The following AFG3L2 variants were observed in gnomAD, a reference collection of about 807,000 sequenced individuals.
AFG3L2 encodes AFG3 like matrix AAA peptidase subunit 2, also known as mitochondrial inner membrane m-AAA protease component AFG3L2.
AFG3L2 carries 54 observed loss-of-function variants against 94.5 expected under a neutral mutation model. The observed-to-expected ratio is 0.57, with a 90% CI of 0.46 to 0.72. The LOEUF (loss-of-function observed/expected upper bound fraction) is 0.72. Ranked by LOEUF, AFG3L2 falls within the 30% of genes least tolerant of loss-of-function variation. The pLI, the probability that AFG3L2 is intolerant of heterozygous loss-of-function variation, is 0.00. For synonymous variants in AFG3L2, 377 were observed against 365.5 expected (o/e 1.03, Z -0.36); for missense variants, 754 against 994.9 (o/e 0.76, Z 3.26).
At chr18:12,375,526 G>C (rs1909127100) in intron 1 of AFG3L2, among the ~76,000 whole-genome samples, 1 of 149,418 alleles carries the variant, frequency 6.7e-6, no homozygotes, top group Admixed American at 6.7e-5. Flanking sequence ...TTCCAGGCCA[G>C]CCTGGGCAAC....
chr18:12,362,383 T>C (rs530482900), intron 6 of AFG3L2, among the ~76,000 whole-genome samples: 6 of 152,136 alleles, frequency 3.9e-5, no homozygotes, highest in Non-Finnish European at 8.8e-5. Context: ...GATATGCACA[T>C]ACAGAAAGCA....
chr18:12,360,234 T>C lies in AFG3L2; in HGVS notation c.628-183A>G, dbSNP rs182038701. 793 of 594,030 alleles carry C rather than the reference T, an allele frequency of 1.3e-3. 2 individuals are homozygous for C. The highest frequency in any genetic ancestry group is 4.1e-3 in the Admixed American group (128 of 31,182). 36.8% of individuals were successfully genotyped at this position (594,030 alleles called of 1,614,324 possible). ...ATTAAATGTCACTCATTGAGAACAC[T>C]TGGCAATTCTTGGCAAATAAGCATT... On this transcript the variant is annotated intron_variant, in intron 6 of 16. Coordinates refer to ENST00000269143, the MANE Select transcript of AFG3L2 (RefSeq NM_006796.3).
intron 3 of AFG3L2, among the ~76,000 whole-genome samples, chr18:12,370,095 A>G (rs1174346717): frequency 6.6e-6 from 1 of 151,456 alleles, no homozygotes; most frequent in Admixed American, 6.6e-5. Context: ...AAGTCAGTCA[A>G]AATGGGCACA....
Position 12,340,242 on chromosome 18 carries a change from G to C in AFG3L2, c.1939C>G (p.Gln647Glu), listed in dbSNP as rs762095994. ...TGAGTTACTTTTCTCAAGTCATCTTGAGCACCAGTTGTAATTCTTCCAAAG... is the reference window on the plus strand; with the variant it reads ...TGAGTTACTTTTCTCAAGTCATCTTCAGCACCAGTTGTAATTCTTCCAAAG... Reference protein sequence around the residue: ...IFFGRITTGAQDDLRKVTQSA... With the variant: ...IFFGRITTGAEDDLRKVTQSA... Residue 647 changes from glutamine to glutamate, a missense_variant, in exon 15 of 17, where the codon CAA (glutamine) becomes GAA (glutamate). By Grantham distance (29) the Gln-to-Glu change is conservative. Transcript: ENST00000269143. The C allele has an allele frequency of 3.7e-6, 6 of 1,613,918 alleles. No individual in the cohort carries two copies. The highest frequency in any genetic ancestry group is 3.3e-5 in the Admixed American group (2 of 59,998).
At chr18:12,355,029 C>A (rs1315462733) in intron 9 of AFG3L2, among the ~76,000 whole-genome samples, 1 of 151,908 alleles carries the variant, frequency 6.6e-6, no homozygotes, top group Non-Finnish European at 1.5e-5. Flanking sequence ...ACCAGCCTGG[C>A]CAACATAGTG....
chr18:12,335,879 C>T (rs2143104849), intron 16 of AFG3L2, among the ~76,000 whole-genome samples: 1 of 152,302 alleles, frequency 6.6e-6, no homozygotes, highest in East Asian at 1.9e-4. Flanking sequence ...TTTTGTGCAC[C>T]GACAGCATGG....
At chr18:12,356,081 T>C (rs1350867377) in intron 9 of AFG3L2, among the ~76,000 whole-genome samples, 4 of 151,654 alleles carry the variant, frequency 2.6e-5, no homozygotes, top group African/African-American at 9.7e-5. Context: ...CAGGGATCAA[T>C]TGTTTGGTAT....
chr18:12,355,692 C>T (rs1487870052), intron 9 of AFG3L2, among the ~76,000 whole-genome samples: 3 of 148,412 alleles, frequency 2.0e-5, no homozygotes, highest in Non-Finnish European at 4.4e-5. Context: ...TTTTTTGAGA[C>T]GAGTCTCACT....
chr18:12,329,477 G>C lies in AFG3L2; in HGVS notation c.*88C>G. 7.3e-7 allele frequency: 1 copy of C among 1,363,982 alleles called. No homozygotes were observed. The highest frequency in any genetic ancestry group is 1.0e-6 in the Non-Finnish European group (1 of 954,310). The allele number at this position is 1,363,982 out of a possible 1,614,324, so 84.5% of individuals were successfully genotyped here. On this transcript the variant is annotated 3_prime_UTR_variant, in exon 17 of 17. Transcript: ENST00000269143. ...CCAGTGGCTGGCTAAAATCAGCGCA[G>C]CATTCCCATTCTTCTGAAAGCCACA...
In AFG3L2 at chr18:12,377,106, C is replaced by A; in HGVS notation, c.-24G>T. 7.2e-7 allele frequency: 1 copy of A among 1,382,960 alleles called. No individual in the cohort carries two copies. Among genetic ancestry groups the A allele is most frequent in the Non-Finnish European group, 9.4e-7 (1 of 1,064,498 alleles). The allele number at this position is 1,382,960 out of a possible 1,614,324, so 85.7% of individuals were successfully genotyped here. A position where few individuals can be genotyped will look rare whatever the true frequency, so the allele number is the denominator to read the frequency against. ...ATGGCCGCCGCCGTGGCCCTCTCGG[C>A]CCGGGACGCTGCGCAGGCGCGGGCA... is the stretch of plus-strand genomic sequence containing the variant. On this transcript the variant is annotated 5_prime_UTR_variant, in exon 1 of 17. Transcript: ENST00000269143.
At position 12,358,910 on chromosome 18, in the gene AFG3L2, G is replaced by C. The variant is rs1325788944; in HGVS notation, c.786C>G (p.Leu262=). 10 of 1,614,090 alleles carry C rather than the reference G, an allele frequency of 6.2e-6. No individual in the cohort carries two copies. Among genetic ancestry groups the C allele is most frequent in the Non-Finnish European group, 8.5e-6 (10 of 1,179,988 alleles). ...SFLLSMLPTV[L]IIAFLLYTIR... ...TGGTGTAGAGCAAGAAGGCGATGAT[G>C]AGCACCGTAGGCAGCATGCTCAGCA... Residue 262 remains leucine, a synonymous_variant, in exon 8 of 17, where the codon CTC becomes CTG. Transcript: ENST00000269143.
intron 13 of AFG3L2, among the ~76,000 whole-genome samples, chr18:12,347,800 C>T (rs1288306765): frequency 6.6e-6 from 1 of 152,122 alleles, no homozygotes; most frequent in African/African-American, 2.4e-5. Context: ...CTGCCTGCCT[C>T]GGCCTCCCAA....
intron 6 of AFG3L2, among the ~76,000 whole-genome samples, chr18:12,362,518 C>G (rs767635972): frequency 4.6e-4 from 70 of 152,082 alleles, no homozygotes; most frequent in Admixed American, 1.9e-3. Context: ...CAATATAAAC[C>G]TTAACTGTAA....
chr18:12,372,299 G>A (rs953090122), intron 1 of AFG3L2, among the ~76,000 whole-genome samples: 7 of 152,084 alleles, frequency 4.6e-5, no homozygotes, highest in African/African-American at 7.2e-5. Flanking sequence ...GTGAGACTCC[G>A]TCTCAAAAAA....
chr18:12,374,156 T>C (rs1909072832), intron 1 of AFG3L2, among the ~76,000 whole-genome samples: 1 of 152,212 alleles, frequency 6.6e-6, no homozygotes, highest in Non-Finnish European at 1.5e-5. Context: ...ACACTGAGGT[T>C]GTGTTCTATG....
intron 16 of AFG3L2, among the ~76,000 whole-genome samples, chr18:12,331,067 C>CCA (rs1907509433): frequency 6.6e-6 from 1 of 152,242 alleles, no homozygotes; most frequent in Non-Finnish European, 1.5e-5. Context: ...ATGATGGGCC[C>CCA]CATGTAGATG....
chr18:12,340,073 A>G (rs746779005), intron 15 of AFG3L2, 128 bp downstream of exon 15: 1 of 884,028 alleles, frequency 1.1e-6, no homozygotes, highest in Non-Finnish European at 1.9e-6. Context: ...CTTTTAAGAG[A>G]TAATCCTTGC....
chr18:12,333,835 C>G (rs983899894), intron 16 of AFG3L2, among the ~76,000 whole-genome samples: 2 of 152,198 alleles, frequency 1.3e-5, no homozygotes, highest in African/African-American at 2.4e-5. Flanking sequence ...CAGGGCCACA[C>G]AGGCTCAGGG....
chr18:12,331,997 C>G (rs1461632605), intron 16 of AFG3L2, among the ~76,000 whole-genome samples: 1 of 151,950 alleles, frequency 6.6e-6, no homozygotes, highest in Non-Finnish European at 1.5e-5. Context: ...AAAAGGGACC[C>G]CTACCGGAGT....
Sources: gnomAD v4.1 joint callset for allele counts (sites outside exome capture counted in the v4.1 genomes callset) on GRCh38, gnomAD v4.1.1 for gene constraint, MANE v1.5 for transcripts, NCBI Gene and HGNC (gene_info 2026-07-23, HGNC 2026-07-21) for gene names.